Variants in KYNU observed in about 807,000 individuals in gnomAD.
KYNU encodes the protein kynureninase.
KYNU carries 54 observed loss-of-function variants against 59.2 expected under a neutral mutation model. That is an observed-to-expected ratio of 0.91 (90% CI 0.73 to 1.14). The LOEUF is 1.14. Ranked by LOEUF, KYNU falls within the 50% of genes most tolerant of loss-of-function variation. The probability of loss-of-function intolerance (pLI) is 0.00; values close to 1 mark genes in which losing one functional copy is unlikely to be tolerated. For synonymous variants in KYNU, 177 were observed against 192.0 expected (o/e 0.92, Z 0.65); for missense variants, 567 against 554.4 (o/e 1.02, Z -0.23).
At chr2:142,957,543 A>G (rs564711992) in intron 6 of KYNU, 98 bp from the exon 7 acceptor site, 7 of 755,258 alleles carry the variant, frequency 9.3e-6, no homozygotes, top group Middle Eastern at 3.1e-4. Flanking sequence ...TGGATTTAAT[A>G]TAATAATATG....
chr2:142,931,315 G>A (rs765487320), intron 4 of KYNU, among the ~76,000 whole-genome samples: 2 of 152,184 alleles, frequency 1.3e-5, no homozygotes, highest in African/African-American at 4.8e-5. Context: ...TGTGATATAG[G>A]GGGTGGTGTG....
intron 4 of KYNU, among the ~76,000 whole-genome samples, chr2:142,954,225 A>T (rs969466202): frequency 1.3e-5 from 2 of 152,082 alleles, no homozygotes; most frequent in South Asian, 2.1e-4. Flanking sequence ...ATATTTTCTC[A>T]TCAGACAATA....
intron 10 of KYNU, among the ~76,000 whole-genome samples, chr2:143,024,189 TTGTTTTACC>T (rs1261144289): frequency 6.6e-6 from 1 of 151,996 alleles, no homozygotes; most frequent in Non-Finnish European, 1.5e-5. Context: ...TTGATTATAC[TTGTTTTACC>T]TGATCTATCA....
At chr2:142,965,235 T>C (rs1056725016) in intron 8 of KYNU, among the ~76,000 whole-genome samples, 1 of 152,228 alleles carries the variant, frequency 6.6e-6, no homozygotes, top group Non-Finnish European at 1.5e-5. Flanking sequence ...ATGTCTCTAC[T>C]GTATCATCAT....
intron 10 of KYNU, among the ~76,000 whole-genome samples, chr2:143,023,608 A>AT: frequency 6.6e-6 from 1 of 151,986 alleles, no homozygotes; most frequent in African/African-American, 2.4e-5. Context: ...ATGAACAGCA[A>AT]TTCATAACTG....
chr2:142,959,142 C>T (rs1376074088), intron 7 of KYNU, among the ~76,000 whole-genome samples: 1 of 152,024 alleles, frequency 6.6e-6, no homozygotes, highest in Non-Finnish European at 1.5e-5. Flanking sequence ...CACACACACA[C>T]GTACTCTCTT....
intron 10 of KYNU, among the ~76,000 whole-genome samples, chr2:143,011,904 G>C (rs1686110447): frequency 7.1e-6 from 1 of 140,330 alleles, no homozygotes; most frequent in African/African-American, 2.7e-5. Flanking sequence ...CACACTCTGG[G>C]GACTGTGGTG....
chr2:142,931,684 T>A (rs1683223690), intron 4 of KYNU, among the ~76,000 whole-genome samples: 1 of 151,988 alleles, frequency 6.6e-6, no homozygotes, highest in Non-Finnish European at 1.5e-5. Context: ...AAAGGGAGAT[T>A]TTTTGTCCAC....
chr2:142,994,610 G>A (rs1685488415), intron 10 of KYNU, among the ~76,000 whole-genome samples: 1 of 151,860 alleles, frequency 6.6e-6, no homozygotes, highest in Non-Finnish European at 1.5e-5. Context: ...TTTTTTAAGG[G>A]CCCAATGATC....
At chr2:142,887,027 G>T (rs1253047611) in intron 2 of KYNU, among the ~76,000 whole-genome samples, 1 of 152,088 alleles carries the variant, frequency 6.6e-6, no homozygotes, top group Non-Finnish European at 1.5e-5. Flanking sequence ...AAAATTAGCC[G>T]GGCGTAGTGG....
chr2:142,964,122 T>TG (rs1323312687), intron 8 of KYNU, among the ~76,000 whole-genome samples: 2 of 152,036 alleles, frequency 1.3e-5, no homozygotes, highest in African/African-American at 4.8e-5. Context: ...TTTGTTTGTT[T>TG]TTTTTTTCTA....
chr2:143,038,969 T>C (rs1464039523), intron 12 of KYNU, among the ~76,000 whole-genome samples: 3 of 152,130 alleles, frequency 2.0e-5, no homozygotes, highest in Non-Finnish European at 2.9e-5. Flanking sequence ...TTAGTTCTTA[T>C]ACATAGGATA....
At chr2:142,885,018 C>T (rs1214692446) in intron 1 of KYNU, among the ~76,000 whole-genome samples, 3 of 123,222 alleles carry the variant, frequency 2.4e-5, no homozygotes, top group Non-Finnish European at 4.9e-5. Context: ...GTGGGCGGAT[C>T]ACTTGAGCCA....
chr2:142,927,944 T>C (rs1009774755), intron 4 of KYNU, among the ~76,000 whole-genome samples: 6 of 152,156 alleles, frequency 3.9e-5, no homozygotes, highest in Admixed American at 6.5e-5. Context: ...AGGTTATTTA[T>C]ATAAAAATAA....
chr2:142,986,846 G>C (rs1043278941), intron 10 of KYNU, among the ~76,000 whole-genome samples: 1 of 151,826 alleles, frequency 6.6e-6, no homozygotes, highest in African/African-American at 2.4e-5. Context: ...TGACTGAGTG[G>C]TAAAATCTTT....
chr2:143,022,045 A>T (rs1221834823), intron 10 of KYNU, among the ~76,000 whole-genome samples: 4 of 152,140 alleles, frequency 2.6e-5, no homozygotes, highest in African/African-American at 9.7e-5. Context: ...TATATCAAAT[A>T]AAAAAATTAT....
chr2:142,921,860 G>A (rs897179593), intron 3 of KYNU, among the ~76,000 whole-genome samples: 1 of 149,022 alleles, frequency 6.7e-6, no homozygotes, highest in African/African-American at 2.5e-5. Flanking sequence ...ATACATACAT[G>A]TAGTCTTCAT....
chr2:143,002,589 C>T (rs1685735526), intron 10 of KYNU, among the ~76,000 whole-genome samples: 1 of 152,102 alleles, frequency 6.6e-6, no homozygotes, highest in African/African-American at 2.4e-5. Context: ...GTCAAGTACC[C>T]AGTTCTTTAG....
At chr2:142,906,783 G>A (rs1277340621) in intron 2 of KYNU, among the ~76,000 whole-genome samples, 2 of 152,138 alleles carry the variant, frequency 1.3e-5, no homozygotes, top group Non-Finnish European at 2.9e-5. Context: ...CGACTGTTGA[G>A]TAGAGACTTC....
Sources: allele counts gnomAD v4.1 joint callset (sites outside exome capture counted in the v4.1 genomes callset), GRCh38; gene constraint gnomAD v4.1.1; transcripts MANE v1.5; gene names NCBI Gene and HGNC (gene_info 2026-07-23, HGNC 2026-07-21).